The following TBC1D23 variants were observed in gnomAD, a reference collection of about 807,000 sequenced individuals.
TBC1D23 encodes TBC1 domain family member 23.
In TBC1D23, 55 loss-of-function variants were observed where a neutral mutation model predicts 91.4. The ratio of observed to expected loss-of-function variants is 0.60; its 90% confidence interval spans 0.48 to 0.75. TBC1D23 has a LOEUF of 0.75. Ranked by LOEUF, TBC1D23 falls within the 30% of genes least tolerant of loss-of-function variation. TBC1D23 has a pLI of 0.00. For missense variants in TBC1D23, 725 were observed against 836.1 expected (o/e 0.87, Z 1.64); for synonymous variants, 289 against 281.0 (o/e 1.03, Z -0.28).
Position 100,311,856 on chromosome 3 carries a change from C to T in TBC1D23, c.1577C>T (p.Pro526Leu), listed in dbSNP as rs1326768139. ...AGAATGTCTTTCAATCTTCCTTGGC[C>T]AGACAGATCATGTACAGAGCGGTAA... Reference protein sequence around the residue: ...VDRMSFNLPWPDRSCTERHVS... With the variant: ...VDRMSFNLPWLDRSCTERHVS... Residue 526 changes from proline to leucine, a missense_variant, in exon 15 of 19, where the codon CCA becomes CTA. Physicochemically the swap from Pro to Leu is moderately conservative, Grantham distance 98 (BLOSUM62 -3). Coordinates refer to ENST00000394144, the MANE Select transcript of TBC1D23 (RefSeq NM_001199198.3). 3 of 1,535,292 alleles carry T rather than the reference C, an allele frequency of 2.0e-6. No individual in the cohort carries two copies. The highest frequency in any genetic ancestry group is 2.6e-6 in the Non-Finnish European group (3 of 1,145,828).
intron 1 of TBC1D23, among the ~76,000 whole-genome samples, chr3:100,277,104 T>G (rs2067654663): frequency 1.3e-5 from 2 of 152,164 alleles, no homozygotes; most frequent in Admixed American, 6.5e-5. Context: ...GGATTTTGCT[T>G]TTGTATGTTA....
At chr3:100,307,119 A>G (rs1338317475) in intron 13 of TBC1D23, among the ~76,000 whole-genome samples, 4 of 152,162 alleles carry the variant, frequency 2.6e-5, no homozygotes, top group African/African-American at 9.7e-5. Flanking sequence ...GTGTATTACT[A>G]CCCAGTTTTG....
chr3:100,271,428 T>C (rs2067598349), intron 1 of TBC1D23, among the ~76,000 whole-genome samples: 1 of 151,962 alleles, frequency 6.6e-6, no homozygotes, highest in Admixed American at 6.6e-5. Flanking sequence ...GAGAAAGAAG[T>C]GGAAAATAGG....
intron 10 of TBC1D23, 62 bp from the exon 11 acceptor site, chr3:100,302,005 A>G (rs1236635939): frequency 1.2e-5 from 16 of 1,389,984 alleles, no homozygotes; most frequent in South Asian, 1.4e-5. Flanking sequence ...AAAAATTTCA[A>G]ATTTACAAAT....
At chr3:100,306,312 C>T in intron 12 of TBC1D23, 125 bp from the exon 13 acceptor site, 1 of 602,542 alleles carries the variant, frequency 1.7e-6, no homozygotes, top group Non-Finnish European at 2.9e-6. Flanking sequence ...AAAGAAATAC[C>T]TGTGATTATT....
At chr3:100,288,233 G>T (rs1212150172) in intron 4 of TBC1D23, among the ~76,000 whole-genome samples, 2 of 147,182 alleles carry the variant, frequency 1.4e-5, no homozygotes, top group African/African-American at 5.1e-5. Flanking sequence ...GCAACAGTGA[G>T]ACCCTGTCTA....
At chr3:100,316,023 A>G in intron 15 of TBC1D23, 76 bp from the exon 16 acceptor site, 2 of 1,204,156 alleles carry the variant, frequency 1.7e-6, no homozygotes, top group Non-Finnish European at 2.5e-6. Context: ...TTGTGTGAAT[A>G]TTCAAATGAT....
At chr3:100,295,636 C>A (rs1576173045) in intron 7 of TBC1D23, among the ~76,000 whole-genome samples, 1 of 152,252 alleles carries the variant, frequency 6.6e-6, no homozygotes, top group East Asian at 1.9e-4. Flanking sequence ...CCTCCCTACC[C>A]ATCCTTAATT....
At chr3:100,310,046 G>A (rs535108006) in intron 13 of TBC1D23, among the ~76,000 whole-genome samples, 1 of 152,340 alleles carries the variant, frequency 6.6e-6, no homozygotes, top group African/African-American at 2.4e-5. Flanking sequence ...AGTCCAAGAT[G>A]AAAGTATTGG....
At chr3:100,281,367 G>C (rs1398108699) in intron 2 of TBC1D23, among the ~76,000 whole-genome samples, 1 of 151,956 alleles carries the variant, frequency 6.6e-6, no homozygotes, top group African/African-American at 2.4e-5. Context: ...GAAAACATTT[G>C]CTCAATTTAT....
chr3:100,295,140 G>C lies in TBC1D23; in HGVS notation c.654G>C (p.Trp218Cys), dbSNP rs1466666915. 4 of 1,606,550 alleles carry C rather than the reference G, an allele frequency of 2.5e-6. No individual in the cohort carries two copies. The highest frequency in any genetic ancestry group is 3.4e-6 in the Non-Finnish European group (4 of 1,177,258). ...YCSTEVTQAI[W>C]DGYLQQADPF... The stretch of plus-strand genomic sequence containing the variant: ...CCACTGAAGTCACTCAGGCAATATG[G>C]GATGGATATCTACAACAAGCAGATC... The change falls in exon 6 of 19, where the codon TGG (tryptophan) becomes TGC (cysteine). Residue 218 changes from tryptophan (W) to cysteine (C), a missense_variant. Trp to Cys is a radical substitution (Grantham distance 215). Transcript: ENST00000394144.
chr3:100,312,011 C>A, intron 15 of TBC1D23, 134 bp downstream of exon 15: 2 of 622,778 alleles, frequency 3.2e-6, no homozygotes, highest in South Asian at 2.0e-5. Flanking sequence ...CCTCATTCTG[C>A]TTTTTAGGAG....
intron 9 of TBC1D23, among the ~76,000 whole-genome samples, chr3:100,298,337 G>A (rs1481649582): frequency 1.3e-5 from 2 of 152,098 alleles, no homozygotes; most frequent in Non-Finnish European, 2.9e-5. Context: ...ATGTGGCATT[G>A]TATAAAATAC....
intron 4 of TBC1D23, 124 bp from the exon 5 acceptor site, chr3:100,290,454 C>T: frequency 1.2e-6 from 1 of 835,274 alleles, no homozygotes; most frequent in Non-Finnish European, 1.9e-6. Flanking sequence ...CAAGAGACCT[C>T]TGCCTGCTAC....
At chr3:100,281,334 TA>T (rs984754845) in intron 2 of TBC1D23, among the ~76,000 whole-genome samples, 99 of 152,110 alleles carry the variant, frequency 6.5e-4, no homozygotes, top group African/African-American at 9.6e-4. Flanking sequence ...TTTTACATTT[TA>T]AAAAAAACCT....
intron 2 of TBC1D23, among the ~76,000 whole-genome samples, chr3:100,280,191 T>G (rs1353736842): frequency 6.6e-6 from 1 of 151,634 alleles, no homozygotes; most frequent in Non-Finnish European, 1.5e-5. Flanking sequence ...ATAGCGCCAC[T>G]GCACTCCAGC....
chr3:100,287,244 C>G (rs1414793531), intron 4 of TBC1D23, among the ~76,000 whole-genome samples: 1 of 152,164 alleles, frequency 6.6e-6, no homozygotes, highest in African/African-American at 2.4e-5. Flanking sequence ...TCCCAAGTAG[C>G]TGGGTTTAAA....
At chr3:100,284,354 T>TTA (rs35982396) in intron 4 of TBC1D23, among the ~76,000 whole-genome samples, 7,592 of 152,184 alleles carry the variant, frequency 0.05, 256 homozygotes, top group Middle Eastern at 0.082. Context: ...TTTCTAGAGT[T>TTA]TATATATATA....
At chr3:100,296,340 T>G in intron 8 of TBC1D23, 65 bp downstream of exon 8, 8 of 927,104 alleles carry the variant, frequency 8.6e-6, no homozygotes, top group Non-Finnish European at 1.3e-5. Context: ...TATTACTTTA[T>G]ATTCACTTTA....
Sources: allele counts gnomAD v4.1 joint callset (sites outside exome capture counted in the v4.1 genomes callset), GRCh38; gene constraint gnomAD v4.1.1; transcripts MANE v1.5; gene names NCBI Gene and HGNC (gene_info 2026-07-23, HGNC 2026-07-21).